The following SLC8A1 variants were observed in gnomAD, a reference collection of about 807,000 sequenced individuals.
The protein encoded by SLC8A1 is solute carrier family 8 member A1.
SLC8A1 carries 18 observed loss-of-function variants against 68.3 expected under a neutral mutation model. That is an observed-to-expected ratio of 0.26 (90% CI 0.18 to 0.39). The LOEUF (loss-of-function observed/expected upper bound fraction) is 0.39. SLC8A1 is among the 10% of genes least tolerant of loss of function. The probability of loss-of-function intolerance (pLI) is 1.00; values close to 1 mark genes in which losing one functional copy is unlikely to be tolerated. For missense variants in SLC8A1, 985 were observed against 1,156.7 expected, an observed-to-expected ratio of 0.85 and a Z score of 2.15; for synonymous variants, 475 against 415.5, an observed-to-expected ratio of 1.14 and a Z score of -1.74.
At chr2:40,438,389 T>G (rs377104943) in intron 1 of SLC8A1, among the ~76,000 whole-genome samples, 1 of 152,156 alleles carries the variant, frequency 6.6e-6, no homozygotes, top group Admixed American at 6.5e-5. Context: ...TCTGTATATA[T>G]AGTGAGCCCT....
intron 2 of SLC8A1, among the ~76,000 whole-genome samples, chr2:40,393,604 T>C (rs1685986231): frequency 6.6e-6 from 1 of 152,114 alleles, no homozygotes; most frequent in Non-Finnish European, 1.5e-5. Context: ...TTGTTTCCAA[T>C]TCCATATAAA....
intron 6 of SLC8A1, among the ~76,000 whole-genome samples, 155 bp downstream of exon 9, chr2:40,160,610 T>C (rs1245031503): frequency 6.6e-6 from 1 of 152,236 alleles, no homozygotes; most frequent in Admixed American, 6.5e-5. Context: ...AATTTAGTCT[T>C]TAAAATGTGC....
chr2:40,322,826 A>ACG (rs2075362249), intron 2 of SLC8A1, among the ~76,000 whole-genome samples: 1 of 87,684 alleles, frequency 1.1e-5, no homozygotes, highest in Non-Finnish European at 2.6e-5. Flanking sequence ...TGGGTAACAC[A>ACG]CACACACACA....
chr2:40,419,633 C>T (rs922792745), intron 2 of SLC8A1, among the ~76,000 whole-genome samples: 1 of 152,098 alleles, frequency 6.6e-6, no homozygotes, highest in Non-Finnish European at 1.5e-5. Flanking sequence ...AACTGAATAG[C>T]TCATTTTTCA....
chr2:40,177,344 G>C (rs547765278), intron 3 of SLC8A1, among the ~76,000 whole-genome samples: 3 of 152,236 alleles, frequency 2.0e-5, no homozygotes, highest in South Asian at 4.1e-4. Context: ...GTATTAAGCA[G>C]TTTCTTTTTT....
In SLC8A1 at chr2:40,333,528, T is replaced by C. The variant is rs866960562; in HGVS notation, c.1808+94945A>G. Among the ~76,000 whole-genome samples the C allele has an allele frequency of 3.9e-5, 6 of 152,146 alleles. 1 individual carries two copies. The highest frequency in any genetic ancestry group is 9.6e-5 in the African/African-American group (4 of 41,524). On this transcript the variant is annotated intron_variant, in intron 2 of 7. Transcript: ENST00000406785. ...AAGAATGTTGAGGTAACCAATGTTATTGGGGAAAAATCTGAATTCTATTCA... is the reference window on the plus strand; with the variant it reads ...AAGAATGTTGAGGTAACCAATGTTACTGGGGAAAAATCTGAATTCTATTCA...
chr2:40,143,525 A>T (rs1472176233), intron 6 of SLC8A1, among the ~76,000 whole-genome samples: 2 of 152,198 alleles, frequency 1.3e-5, no homozygotes, highest in Non-Finnish European at 2.9e-5. Context: ...TTTTCAGCTA[A>T]TGGAAAATAA....
At chr2:40,217,672 G>A (rs1306468874) in intron 2 of SLC8A1, among the ~76,000 whole-genome samples, 1 of 152,086 alleles carries the variant, frequency 6.6e-6, no homozygotes, top group Non-Finnish European at 1.5e-5. Context: ...ACAATGAGTA[G>A]GAACCATATT....
intron 1 of SLC8A1, among the ~76,000 whole-genome samples, chr2:40,437,806 A>C (rs1226797950): frequency 6.6e-6 from 1 of 152,148 alleles, no homozygotes; most frequent in African/African-American, 2.4e-5. Context: ...TTTATCTGCC[A>C]AGCTTTTCTT....
chr2:40,337,507 G>A (rs11893826), intron 2 of SLC8A1, among the ~76,000 whole-genome samples: 42,270 of 151,726 alleles, frequency 0.28, 7,251 homozygotes, highest in South Asian at 0.44. Context: ...CCTCCATAGC[G>A]CACTCAGCAA....
intron 2 of SLC8A1, among the ~76,000 whole-genome samples, chr2:40,192,865 G>A (rs2052154233): frequency 6.6e-6 from 1 of 152,058 alleles, no homozygotes; most frequent in African/African-American, 2.4e-5. Context: ...GACTGGTAAT[G>A]GAACAGAAGA....
At chr2:40,190,979 T>G (rs1216378118) in intron 2 of SLC8A1, among the ~76,000 whole-genome samples, 1 of 148,894 alleles carries the variant, frequency 6.7e-6, no homozygotes, top group Non-Finnish European at 1.5e-5. Flanking sequence ...ATTTGCACTT[T>G]TAAAGGAATA....
In SLC8A1 at chr2:40,176,031, G is replaced by C. The variant is rs143485063; in HGVS notation, c.1913-1189C>G. The C allele has an allele frequency of 1.9e-3, 849 of 438,728 alleles. 6 individuals carry two copies. Among genetic ancestry groups the C allele is most frequent in the African/African-American group, 0.015 (749 of 49,050 alleles). The allele number at this position is 438,728 out of a possible 1,614,324, so 27.2% of individuals were successfully genotyped here. A position where few individuals can be genotyped will look rare whatever the true frequency, so the allele number is the denominator to read the frequency against. On this transcript the variant is annotated intron_variant, in intron 3 of 7. Coordinates refer to ENST00000406785, the Ensembl canonical transcript of SLC8A1. ...AGGAAACTGACAGGGCATTGGGTTG[G>C]GGGGAGGGGGACGTATAATTTGTCT...
chr2:40,172,309 G>T (rs2047640422), intron 4 of SLC8A1, among the ~76,000 whole-genome samples: 1 of 152,220 alleles, frequency 6.6e-6, no homozygotes. Context: ...GGACAGGCCA[G>T]TGTAGAAATT....
At chr2:40,199,799 C>A (rs968449443) in intron 2 of SLC8A1, among the ~76,000 whole-genome samples, 53 of 151,544 alleles carry the variant, frequency 3.5e-4, no homozygotes, top group African/African-American at 1.3e-3. Context: ...TTACATTAGG[C>A]TCTTGTTCTT....
At chr2:40,243,321 A>G (rs6716847) in intron 2 of SLC8A1, among the ~76,000 whole-genome samples, 90,228 of 151,850 alleles carry the variant, frequency 0.59, 30,055 homozygotes, top group Non-Finnish European at 0.77. Context: ...TGCCTCTACC[A>G]AAAATACAAA....
intron 1 of SLC8A1, 93 bp from the exon 2 acceptor site, chr2:40,430,397 T>A (rs910177093): frequency 3.8e-6 from 5 of 1,311,988 alleles, no homozygotes; most frequent in Non-Finnish European, 5.1e-6. Context: ...TTTATTACTC[T>A]TACCAAAATT....
chr2:40,125,271 C>T (rs748669292), intron 7 of SLC8A1, among the ~76,000 whole-genome samples: 1 of 152,062 alleles, frequency 6.6e-6, no homozygotes, highest in African/African-American at 2.4e-5. Flanking sequence ...AGGTGCATCT[C>T]GAAGGGTGTA....
chr2:40,296,814 G>A (rs1046140034), intron 2 of SLC8A1, among the ~76,000 whole-genome samples: 6 of 152,058 alleles, frequency 3.9e-5, no homozygotes, highest in Non-Finnish European at 5.9e-5. Context: ...CTTTACTTAT[G>A]TCATCATCAA....
Sources: gnomAD v4.1 joint callset for allele counts (sites outside exome capture counted in the v4.1 genomes callset) on GRCh38, gnomAD v4.1.1 for gene constraint, MANE v1.5 for transcripts, NCBI Gene and HGNC (gene_info 2026-07-23, HGNC 2026-07-21) for gene names.